ATP8A2: variants seen among roughly 807,000 people sequenced by gnomAD.
ATP8A2 encodes the protein ATPase phospholipid transporting 8A2.
Under a neutral mutation model 165.6 loss-of-function variants are expected in ATP8A2, and 100 were observed. The ratio of observed to expected loss-of-function variants is 0.60; its 90% CI spans 0.51 to 0.71. The LOEUF (loss-of-function observed/expected upper bound fraction) is 0.71. ATP8A2 is among the 30% of genes least tolerant of loss of function. ATP8A2 has a pLI of 0.00. For synonymous variants in ATP8A2, 543 were observed against 548.8 expected (o/e 0.99, Z 0.15); for missense variants, 1,227 against 1,479.5 (o/e 0.83, Z 2.80).
intron 18 of ATP8A2, 66 bp from the exon 19 acceptor site, chr13:25,574,742 G>T (rs1441022899): frequency 1.7e-5 from 15 of 905,008 alleles, no homozygotes; most frequent in South Asian, 8.0e-5. Flanking sequence ...TTTATGCTTG[G>T]GAGACAATTG....
rs538219212 is a variant in ATP8A2 at position 25,493,403 on chromosome 13, A to T, written c.221+24282A>T. 4.6e-5 allele frequency among the ~76,000 whole-genome samples: 7 copies of T among 151,950 alleles called. No individual in the cohort carries two copies. The East Asian group carries it at 1.4e-3, about 30-fold the overall frequency. ...CCCCACAGAGATCCTTTTTCATTTG[A>T]TGGGGGCGCTTAAACCATTTGTTGG... On this transcript the variant is annotated intron_variant, in intron 2 of 36. Coordinates refer to ENST00000381655, the MANE Select transcript of ATP8A2 (RefSeq NM_016529.6).
chr13:25,675,247 G>A (rs997589486), intron 24 of ATP8A2, among the ~76,000 whole-genome samples: 9 of 152,296 alleles, frequency 5.9e-5, no homozygotes, highest in South Asian at 2.1e-4. Flanking sequence ...TGCATGACCC[G>A]TAATACCAGG....
At chr13:25,625,836 A>C (rs1449291673) in intron 24 of ATP8A2, among the ~76,000 whole-genome samples, 1 of 152,194 alleles carries the variant, frequency 6.6e-6, no homozygotes, top group African/African-American at 2.4e-5. Context: ...ACAGCCTATG[A>C]TGTGAATGGC....
intron 35 of ATP8A2, among the ~76,000 whole-genome samples, chr13:26,008,616 G>A (rs1443392087): frequency 2.0e-5 from 3 of 152,056 alleles, no homozygotes; most frequent in East Asian, 1.9e-4. Context: ...CAGCTGAACA[G>A]GATATAAAAA....
chr13:25,553,693 A>C, intron 11 of ATP8A2, 100 bp from the exon 12 acceptor site: 2 of 1,231,708 alleles, frequency 1.6e-6, no homozygotes, highest in Non-Finnish European at 1.1e-6. Flanking sequence ...GGTTCCTGAC[A>C]TGCAGGAGGT....
chr13:25,877,282 A>G (rs1359819982), intron 33 of ATP8A2, among the ~76,000 whole-genome samples: 4 of 152,200 alleles, frequency 2.6e-5, no homozygotes, highest in Non-Finnish European at 5.9e-5. Context: ...CAGTATCACT[A>G]TGCTAGAGTT....
intron 24 of ATP8A2, among the ~76,000 whole-genome samples, chr13:25,662,774 G>T (rs1566025260): frequency 6.6e-6 from 1 of 152,286 alleles, no homozygotes; most frequent in Admixed American, 6.5e-5. Flanking sequence ...CACCTGAAAG[G>T]TTTAAGGAAG....
chr13:25,395,075 A>G (rs1376474299), intron 1 of ATP8A2, among the ~76,000 whole-genome samples: 2 of 152,160 alleles, frequency 1.3e-5, no homozygotes, highest in African/African-American at 4.8e-5. Context: ...CAAAGACTCT[A>G]TGTCTTCCTA....
intron 35 of ATP8A2, among the ~76,000 whole-genome samples, chr13:26,002,314 G>C (rs1435775461): frequency 6.6e-6 from 1 of 151,832 alleles, no homozygotes; most frequent in Non-Finnish European, 1.5e-5. Context: ...ACTATCACAA[G>C]GACAGAAAAC....
intron 34 of ATP8A2, among the ~76,000 whole-genome samples, chr13:25,964,283 T>A (rs1215170426): frequency 1.3e-5 from 2 of 152,234 alleles, no homozygotes; most frequent in Non-Finnish European, 2.9e-5. Context: ...AGCACATATA[T>A]GCTCAATTTG....
At chr13:25,588,830 G>A (rs867426762) in intron 23 of ATP8A2, among the ~76,000 whole-genome samples, 1 of 152,166 alleles carries the variant, frequency 6.6e-6, no homozygotes. Context: ...CAGTGCCCTG[G>A]CGGACACCTC....
intron 33 of ATP8A2, among the ~76,000 whole-genome samples, chr13:25,903,945 T>C (rs1021796711): frequency 1.3e-5 from 2 of 152,228 alleles, no homozygotes; most frequent in African/African-American, 4.8e-5. Context: ...TTTAAGTAAA[T>C]GAATGTGAAT....
intron 22 of ATP8A2, 31 bp downstream of exon 22, chr13:25,579,978 C>T: frequency 6.2e-7 from 1 of 1,609,646 alleles, no homozygotes; most frequent in Non-Finnish European, 8.5e-7. Context: ...CTTTTCAGCT[C>T]CATGAAGGAC....
chr13:25,824,441 G>A (rs1283161621), intron 27 of ATP8A2, among the ~76,000 whole-genome samples: 1 of 152,144 alleles, frequency 6.6e-6, no homozygotes, highest in Non-Finnish European at 1.5e-5. Flanking sequence ...GAATGTTTGA[G>A]ATTTTCTTCG....
At chr13:25,468,749 G>C (rs2035743557) in intron 1 of ATP8A2, 1 of 823,600 alleles carries the variant, frequency 1.2e-6, no homozygotes, top group African/African-American at 1.8e-5. Flanking sequence ...AAGCGCCAGG[G>C]GCCGCGCGGG....
At chr13:25,818,924 G>C (rs867359600) in intron 27 of ATP8A2, among the ~76,000 whole-genome samples, 1 of 152,140 alleles carries the variant, frequency 6.6e-6, no homozygotes, top group East Asian at 1.9e-4. Flanking sequence ...AAATGAGTGC[G>C]GTGTGGTGAT....
intron 33 of ATP8A2, among the ~76,000 whole-genome samples, chr13:25,926,714 C>T (rs1162121203): frequency 6.6e-6 from 1 of 152,116 alleles, no homozygotes. Context: ...TTTAAATTAT[C>T]GTAGGCTAGG....
chr13:26,016,049 C>G (rs1214774056), intron 36 of ATP8A2, among the ~76,000 whole-genome samples: 1 of 152,184 alleles, frequency 6.6e-6, no homozygotes, highest in African/African-American at 2.4e-5. Context: ...GCTCTAACTC[C>G]CGCCAGGCCT....
intron 24 of ATP8A2, among the ~76,000 whole-genome samples, chr13:25,686,348 A>C (rs2042601339): frequency 6.6e-6 from 1 of 152,232 alleles, no homozygotes; most frequent in Non-Finnish European, 1.5e-5. Context: ...TCTCCAAACC[A>C]GAAACTTATA....
Sources: allele counts gnomAD v4.1 joint callset (sites outside exome capture counted in the v4.1 genomes callset), GRCh38; gene constraint gnomAD v4.1.1; transcripts MANE v1.5; gene names NCBI Gene and HGNC (gene_info 2026-07-23, HGNC 2026-07-21).